The following TSC2 variants were observed in gnomAD, a reference collection of about 807,000 sequenced individuals.
The protein encoded by TSC2 is TSC complex subunit 2, also known as tuberin.
A neutral mutation model predicts 202.2 loss-of-function variants in TSC2; 29 were observed. That is an observed-to-expected ratio of 0.14 (90% CI 0.11 to 0.20). The LOEUF (loss-of-function observed/expected upper bound fraction) is 0.20. TSC2 is among the 10% of genes least tolerant of loss of function. The pLI, the probability that TSC2 is intolerant of heterozygous loss-of-function variation, is 1.00. For missense variants in TSC2, 2,429 were observed against 2,420.0 expected (o/e 1.00, Z -0.08); for synonymous variants, 1,349 against 1,044.0 (o/e 1.29, Z -5.63).
At chr16:2,082,670 G>C in intron 32 of TSC2, 166 bp downstream of exon 32, 1 of 767,040 alleles carries the variant, frequency 1.3e-6, no homozygotes, top group Admixed American at 2.1e-5. Context: ...TCTTTGGCTT[G>C]GCCAGCGGGA....
chr16:2,060,349 A>G (rs1212417512), intron 10 of TSC2, among the ~76,000 whole-genome samples: 7 of 152,262 alleles, frequency 4.6e-5, no homozygotes, highest in Middle Eastern at 3.4e-3. Context: ...GTCTTTGTGC[A>G]CAGCTTGCAG....
At chr16:2,076,285 T>A in intron 24 of TSC2, 115 bp downstream of exon 24, 1 of 1,568,168 alleles carries the variant, frequency 6.4e-7, no homozygotes, top group Non-Finnish European at 8.6e-7. Context: ...GGAGGGTGTT[T>A]GGGGCTGTGC....
rs139579913 is a variant in TSC2, at chr16:2,074,524, C to T, written c.2545+135C>T. 8.2e-4 allele frequency: 917 copies of T among 1,113,126 alleles called. 2 individuals are homozygous for T. In the African/African-American group the frequency reaches 0.012, roughly 15 times the overall value. 69.0% of individuals were successfully genotyped at this position (1,113,126 alleles called of 1,614,324 possible). A position where few individuals can be genotyped will look rare whatever the true frequency, so the allele number is the denominator to read the frequency against. Reference sequence around the variant, plus strand: ...GCCTTCTGCTGCCTCAGGGCCTGGGCGTCTCTGCCCGGCTGCCATGAGTGC... The same window carrying T: ...GCCTTCTGCTGCCTCAGGGCCTGGGTGTCTCTGCCCGGCTGCCATGAGTGC... On this transcript the variant is annotated intron_variant, in intron 22 of 41. Coordinates refer to ENST00000219476, the MANE Select transcript of TSC2 (RefSeq NM_000548.5).
At chr16:2,078,845 C>A (rs1425444271) in intron 26 of TSC2, 187 bp from the exon 27 acceptor site, 2 of 721,600 alleles carry the variant, frequency 2.8e-6, no homozygotes, top group Non-Finnish European at 4.7e-6. Context: ...CCAGCGTCTC[C>A]CCGTTCTCTG....
In TSC2 at chr16:2,080,182, G is replaced by C. The variant is rs759174655; in HGVS notation, c.3415G>C (p.Val1139Leu). 6.2e-7 allele frequency: 1 copy of C among 1,612,990 alleles called. No individual in the cohort carries two copies. The highest frequency in any genetic ancestry group is 8.5e-7 in the Non-Finnish European group (1 of 1,180,006). ...RSMSGGHGLR[V>L]GALDVPASQF... ...TTCTTCAGGGGGCCATGGTCTTCGA[G>C]TTGGCGCCCTGGACGTGCCGGCCTC... Residue 1139 changes from valine to leucine, a missense_variant, in exon 30 of 42, where the codon GTT becomes CTT. By Grantham distance (32) the Val-to-Leu change is conservative (BLOSUM62 1). Coordinates refer to ENST00000219476, the MANE Select transcript of TSC2 (RefSeq NM_000548.5).
chr16:2,080,437 C>T, intron 30 of TSC2, 60 bp downstream of exon 30: 8 of 1,579,834 alleles, frequency 5.1e-6, no homozygotes, highest in Admixed American at 1.7e-5. Context: ...GAGCTGTGGA[C>T]ACTCAGGGGC....
Position 2,084,325 on chromosome 16 carries a change from G to A in TSC2, c.4103G>A (p.Gly1368Asp), listed in dbSNP as rs1596415974. The change falls in exon 34 of 42, where the codon GGC (glycine) becomes GAC (aspartate). Residue 1368 changes from glycine to aspartate, a missense_variant. Transcript: ENST00000219476. ...GAGCGAGTCGTCTCCTCGGAGGGTGGCCGGCCCTCTGTGGACCTCTCCTTC... is the reference window on the plus strand; with the variant it reads ...GAGCGAGTCGTCTCCTCGGAGGGTGACCGGCCCTCTGTGGACCTCTCCTTC... ...PIERVVSSEG[G>D]RPSVDLSFQP... 6.2e-7 allele frequency: 1 copy of A among 1,612,698 alleles called. No homozygotes were observed. The highest frequency in any genetic ancestry group is 2.2e-5 in the East Asian group (1 of 44,886).
chr16:2,050,081 G>A (rs755821538), intron 2 of TSC2, among the ~76,000 whole-genome samples: 2 of 150,452 alleles, frequency 1.3e-5, no homozygotes, highest in Non-Finnish European at 2.9e-5. Context: ...TCACTCTCCC[G>A]AGTAGCTGGG....
intron 14 of TSC2, chr16:2,063,625 C>T (rs987768974): frequency 9.0e-6 from 2 of 223,442 alleles, no homozygotes; most frequent in Non-Finnish European, 1.8e-5. Context: ...CAGTCCTGCC[C>T]TCCTGAGAGC....
At chr16:2,087,595 C>T (rs1245785255) in intron 38 of TSC2, among the ~76,000 whole-genome samples, 1 of 152,078 alleles carries the variant, frequency 6.6e-6, no homozygotes, top group East Asian at 1.9e-4. Flanking sequence ...GCTGCAGACA[C>T]CCTGGGGGCC....
chr16:2,076,626 G>A (rs758990744), intron 25 of TSC2, 41 bp downstream of exon 25: 2 of 1,605,288 alleles, frequency 1.2e-6, no homozygotes, highest in African/African-American at 1.3e-5. Context: ...GTGTGGGGTG[G>A]GGAAGGACAT....
chr16:2,079,562 G>C lies in TSC2; in HGVS notation c.3290G>C (p.Ser1097Thr). The stretch of plus-strand genomic sequence containing the variant: ...GCGTGGGATTCTCTTCTCAGCTCCA[G>C]CCCCGGGGTGCATGTGAGACAGACC... ...ELQSGPESSS[S>T]PGVHVRQTKE... Residue 1097 changes from serine to threonine, a missense_variant, in exon 29 of 42, where the codon AGC (serine) becomes ACC (threonine). Ser to Thr is a moderately conservative substitution (Grantham distance 58). Transcript: ENST00000219476. This position sits in a 1 kb window ranked among gnomAD's most constrained non-coding sequence, Gnocchi z 4.6. The C allele has an allele frequency of 6.2e-7, 1 of 1,610,146 alleles. No individual in the cohort carries two copies. The highest frequency in any genetic ancestry group is 8.5e-7 in the Non-Finnish European group (1 of 1,178,890).
chr16:2,055,419 T>C lies in TSC2; in HGVS notation c.499T>C (p.Trp167Arg), dbSNP rs1555498118. 5 of 1,614,022 alleles carry C rather than the reference T, an allele frequency of 3.1e-6. No homozygotes were observed. Among genetic ancestry groups the C allele is most frequent in the Admixed American group, 1.7e-5 (1 of 60,000 alleles). ...EEELADFVLQ[W>R]MDVGLSSEFL... ...TCCCCCAGCTGACTTTGTCCTGCAGTGGATGGATGTTGGCTTGTCCTCGGA... is the reference window on the plus strand; with the variant it reads ...TCCCCCAGCTGACTTTGTCCTGCAGCGGATGGATGTTGGCTTGTCCTCGGA... Residue 167 changes from tryptophan (W) to arginine (R), a missense_variant, in exon 6 of 42, where the codon TGG becomes CGG. By Grantham distance (101) the Trp-to-Arg change is moderately radical. Coordinates refer to ENST00000219476, the MANE Select transcript of TSC2 (RefSeq NM_000548.5).
In TSC2 at chr16:2,079,022, C is replaced by T. The variant is rs1322718501; in HGVS notation, c.2967-10C>T. On this transcript the variant is annotated splice_polypyrimidine_tract_variant and intron_variant, in intron 26 of 41. Transcript: ENST00000219476. This position sits in a 1 kb window ranked among gnomAD's most constrained non-coding sequence, Gnocchi z 4.6. ...GGCACCCTGACCCTGGTCACGGCCT[C>T]TCCCTCCAGCAGGATACAGACGTCC... is the stretch of plus-strand genomic sequence containing the variant. 1.2e-6 allele frequency: 2 copies of T among 1,612,336 alleles called. No homozygotes were observed. The highest frequency in any genetic ancestry group is 8.5e-7 in the Non-Finnish European group (1 of 1,180,016).
Position 2,062,962 on chromosome 16 carries a change from C to A in TSC2, c.1362-10C>A, listed in dbSNP as rs45446697. The A allele has an allele frequency of 6.5e-7, 1 of 1,549,430 alleles. No individual in the cohort carries two copies. Among genetic ancestry groups the A allele is most frequent in the Non-Finnish European group, 8.7e-7 (1 of 1,146,728 alleles). On this transcript the variant is annotated splice_polypyrimidine_tract_variant and intron_variant, in intron 13 of 41. Transcript: ENST00000219476. ...CTCCCCACCCGCCCCAGCAGGCTGC[C>A]GTCCCGCAGGAGCGAGTCCCGAGGC...
intron 2 of TSC2, 148 bp downstream of exon 2, chr16:2,048,901 T>G: frequency 8.6e-7 from 1 of 1,163,716 alleles, no homozygotes; most frequent in Non-Finnish European, 1.3e-6. Context: ...CGACATGTCC[T>G]TCCTCAGGAG....
Position 2,088,752 on chromosome 16 carries a change from G to C in TSC2, c.*142G>C, listed in dbSNP as rs2091249607. 2.5e-6 allele frequency: 3 copies of C among 1,182,938 alleles called. No individual in the cohort carries two copies. The highest frequency in any genetic ancestry group is 2.7e-4 in the Middle Eastern group (1 of 3,768). The allele number at this position is 1,182,938 out of a possible 1,614,324, so 73.3% of individuals were successfully genotyped here. A position where few individuals can be genotyped will look rare whatever the true frequency, so the allele number is the denominator to read the frequency against. ...TTATTGACTTTGTCTGCTTGGTGCG[G>C]GGGTTGGGGGGGTGTCGAGGCTCTA... On this transcript the variant is annotated 3_prime_UTR_variant, in exon 42 of 42. Coordinates refer to ENST00000219476, the MANE Select transcript of TSC2 (RefSeq NM_000548.5).
rs2090255088 is a variant in TSC2, at chr16:2,082,420, C to CG, written c.3815-14dup. The CG allele has an allele frequency of 6.2e-7, 1 of 1,612,306 alleles. No individual in the cohort carries two copies. The highest frequency in any genetic ancestry group is 1.3e-5 in the African/African-American group (1 of 74,950). ...CTCCTCCTGCTGACGTGGCCGCACA[C>CG]GGCCTTCCCTTGCAGTGGCCTCTTT... On this transcript the variant is annotated splice_polypyrimidine_tract_variant and intron_variant, in intron 31 of 41. Coordinates refer to ENST00000219476, the MANE Select transcript of TSC2 (RefSeq NM_000548.5).
At chr16:2,061,144 G>A in intron 11 of TSC2, 2 of 410,660 alleles carry the variant, frequency 4.9e-6, no homozygotes, top group Non-Finnish European at 9.2e-6. Flanking sequence ...GGATGCCAGT[G>A]TGGCTTCCGC....
Sources: gnomAD v4.1 joint callset for allele counts (sites outside exome capture counted in the v4.1 genomes callset) on GRCh38, gnomAD v4.1.1 for gene constraint, Gnocchi (gnomAD v3.1) non-coding constraint, MANE v1.5 for transcripts, NCBI Gene and HGNC (gene_info 2026-07-23, HGNC 2026-07-21) for gene names.